VPS35L: variants seen among roughly 807,000 people sequenced by gnomAD.
VPS35L encodes VPS35 endosomal protein sorting factor like.
A neutral mutation model predicts 133.0 loss-of-function variants in VPS35L; 83 were observed. That is an observed-to-expected ratio of 0.62 (90% CI 0.52 to 0.75). The LOEUF (loss-of-function observed/expected upper bound fraction) is 0.75. Ranked by LOEUF, VPS35L falls within the 30% of genes least tolerant of loss-of-function variation. The pLI is 0.00. For missense variants in VPS35L, 1,083 were observed against 1,206.8 expected, an observed-to-expected ratio of 0.90 and a Z score of 1.52; for synonymous variants, 423 against 449.9, an observed-to-expected ratio of 0.94 and a Z score of 0.76.
intron 12 of VPS35L, among the ~76,000 whole-genome samples, chr16:19,613,070 G>A (rs1286604725): frequency 6.6e-6 from 1 of 152,216 alleles, no homozygotes; most frequent in Non-Finnish European, 1.5e-5. Flanking sequence ...GGAGGCCGAG[G>A]CGGGCAGATC....
chr16:19,616,844 C>T, intron 14 of VPS35L, 36 bp downstream of exon 14: 2 of 1,613,866 alleles, frequency 1.2e-6, no homozygotes, highest in Middle Eastern at 1.6e-4. Context: ...ACGCTCACCT[C>T]CTGTATGGTG....
Position 19,692,691 on chromosome 16 carries a change from G to A in VPS35L, c.2646+1220G>A, listed in dbSNP as rs188613318. ...TGATTCTCCTGCCTCAGCCTCCCAA[G>A]TAGCTGGGATTCAGGTGCCCGCCAC... is the stretch of plus-strand genomic sequence containing the variant. On this transcript the variant is annotated intron_variant, in intron 29 of 30. Transcript: ENST00000417362. Among the ~76,000 whole-genome samples, 506 of 152,184 alleles carry A rather than the reference G, an allele frequency of 3.3e-3. 5 individuals carry two copies. Among genetic ancestry groups the A allele is most frequent in the African/African-American group, 0.012 (490 of 41,516 alleles).
chr16:19,699,459 C>CTGAG lies in VPS35L; in HGVS notation c.2647-42_2647-39dup. On this transcript the variant is annotated intron_variant, in intron 29 of 30. Transcript: ENST00000417362. This position sits in a 1 kb window ranked among gnomAD's most constrained non-coding sequence, Gnocchi z 4.2. ...CCACAGCATCTCTGCGGGGCACGGC[C>CTGAG]TGAGCCCCAGTGCAAGGCAGTAACC... The CTGAG allele has an allele frequency of 6.2e-7, 1 of 1,611,860 alleles. No individual in the cohort carries two copies. The highest frequency in any genetic ancestry group is 1.1e-5 in the South Asian group (1 of 90,776).
chr16:19,608,255 A>G lies in VPS35L; in HGVS notation c.862A>G (p.Arg288Gly). ...LNWFFKIASI[R>G]ELIPRFYVEA... ...TTGGTTTTTCAAGATTGCCTCCATC[A>G]GGGAACTCATTCCAAGATTGTATCC... Residue 288 changes from arginine (R) to glycine (G), a missense_variant, in exon 10 of 31, where the codon AGG (arginine) becomes GGG (glycine). Coordinates refer to ENST00000417362, the MANE Select transcript of VPS35L (RefSeq NM_020314.7). 1.2e-6 allele frequency: 2 copies of G among 1,604,074 alleles called. No individual in the cohort carries two copies. The highest frequency in any genetic ancestry group is 2.2e-5 in the South Asian group (2 of 90,848).
At chr16:19,564,791 A>C in intron 1 of VPS35L, 60 bp from the exon 2 acceptor site, 2 of 1,130,340 alleles carry the variant, frequency 1.8e-6, no homozygotes, top group Admixed American at 1.8e-5. Flanking sequence ...GTCTCATCAG[A>C]AGTTTTTAGT....
At chr16:19,645,858 G>A (rs1251522778) in intron 23 of VPS35L, among the ~76,000 whole-genome samples, 2 of 152,224 alleles carry the variant, frequency 1.3e-5, no homozygotes, top group Admixed American at 6.5e-5. Flanking sequence ...AAACTATGCC[G>A]GGCAGGCAAA....
rs141557733 is a variant in VPS35L at position 19,669,248 on chromosome 16, G to A, written c.2310G>A (p.Ser770=). 23 of 1,612,924 alleles carry A rather than the reference G, an allele frequency of 1.4e-5. No individual in the cohort carries two copies. Among genetic ancestry groups the A allele is most frequent in the Non-Finnish European group, 1.7e-5 (20 of 1,179,232 alleles). The change falls in exon 27 of 31, where the codon TCG becomes TCA. Residue 770 remains serine, a synonymous_variant. Transcript: ENST00000417362. Reference sequence around the variant, plus strand: ...ATGGGAAGATGCGGCCATCGGAATCGTTCCTTCTGGAATTCCTCTGCAATT... The same window carrying A: ...ATGGGAAGATGCGGCCATCGGAATCATTCCTTCTGGAATTCCTCTGCAATT... ...NIDGKMRPSE[S]FLLEFLCNFF...
intron 9 of VPS35L, among the ~76,000 whole-genome samples, chr16:19,604,756 GT>G (rs1972491203): frequency 6.6e-6 from 1 of 152,144 alleles, no homozygotes; most frequent in African/African-American, 2.4e-5. Flanking sequence ...ATCAAGTTCT[GT>G]TGGGTGAATT....
At chr16:19,570,889 A>ATATATATT (rs1971360458) in intron 3 of VPS35L, among the ~76,000 whole-genome samples, 5 of 91,846 alleles carry the variant, frequency 5.4e-5, no homozygotes, top group Non-Finnish European at 1.0e-4. Flanking sequence ...ATATATATAT[A>ATATATATT]TTTTTGAGAT....
At chr16:19,631,348 G>A (rs72767578) in intron 18 of VPS35L, among the ~76,000 whole-genome samples, 11,474 of 152,072 alleles carry the variant, frequency 0.075, 577 homozygotes, top group Non-Finnish European at 0.12. Flanking sequence ...AAGTGACCCC[G>A]CAGAACCCCC....
At chr16:19,695,648 T>TA (rs1975880366) in intron 29 of VPS35L, among the ~76,000 whole-genome samples, 1 of 151,880 alleles carries the variant, frequency 6.6e-6, no homozygotes, top group Non-Finnish European at 1.5e-5. Context: ...ACCCCATCTC[T>TA]AAAAAAATTT....
chr16:19,570,945 C>T lies in VPS35L; in HGVS notation c.285+1354C>T, dbSNP rs1384710266. 6.8e-5 allele frequency among the ~76,000 whole-genome samples: 10 copies of T among 146,210 alleles called. No homozygotes were observed. In the East Asian group the frequency reaches 1.2e-3, roughly 18 times the overall value. On this transcript the variant is annotated intron_variant, in intron 3 of 30. Coordinates refer to ENST00000417362, the MANE Select transcript of VPS35L (RefSeq NM_020314.7). ...GGGCCGGTGTGAAGTGGGGTGATCT[C>T]GACTCGCAGCCTCCACCTCCCAGGT...
intron 19 of VPS35L, among the ~76,000 whole-genome samples, chr16:19,634,073 A>C (rs1262752438): frequency 2.0e-5 from 3 of 152,046 alleles, no homozygotes; most frequent in African/African-American, 7.2e-5. Flanking sequence ...CGCATTCCAC[A>C]CATATATACA....
chr16:19,596,580 G>T (rs80185479), intron 8 of VPS35L, among the ~76,000 whole-genome samples: 8,573 of 151,532 alleles, frequency 0.057, 354 homozygotes, highest in Non-Finnish European at 0.086. Flanking sequence ...TGGCCTAAAT[G>T]CATGTACATT....
intron 21 of VPS35L, 64 bp from the exon 22 acceptor site, chr16:19,642,332 G>A: frequency 7.2e-7 from 1 of 1,397,380 alleles, no homozygotes; most frequent in Non-Finnish European, 1.0e-6. Context: ...GATGAAAACT[G>A]AATCCACTCT....
intron 8 of VPS35L, among the ~76,000 whole-genome samples, chr16:19,597,631 A>G (rs1452738588): frequency 6.6e-6 from 1 of 152,210 alleles, no homozygotes; most frequent in African/African-American, 2.4e-5. Context: ...TGCTTTCAGC[A>G]CTTCCCAAGG....
At chr16:19,668,918 C>T (rs1310833296) in intron 26 of VPS35L, among the ~76,000 whole-genome samples, 3 of 152,182 alleles carry the variant, frequency 2.0e-5, no homozygotes, top group Admixed American at 6.5e-5. Flanking sequence ...TTGCGACCTG[C>T]TTTTTTCACT....
chr16:19,661,455 G>A (rs1472860461), intron 26 of VPS35L, among the ~76,000 whole-genome samples: 2 of 152,162 alleles, frequency 1.3e-5, no homozygotes, highest in Non-Finnish European at 2.9e-5. Flanking sequence ...CGTATTGAAA[G>A]CCTTGGTACA....
intron 10 of VPS35L, 52 bp from the exon 11 acceptor site, chr16:19,608,922 A>G (rs545125947): frequency 1.9e-6 from 3 of 1,548,418 alleles, no homozygotes; most frequent in South Asian, 1.1e-5. Flanking sequence ...TCTTTTCTCC[A>G]TAGGGAGTAG....
Sources: gnomAD v4.1 joint callset for allele counts (sites outside exome capture counted in the v4.1 genomes callset) on GRCh38, gnomAD v4.1.1 for gene constraint, Gnocchi (gnomAD v3.1) non-coding constraint, MANE v1.5 for transcripts, NCBI Gene and HGNC (gene_info 2026-07-23, HGNC 2026-07-21) for gene names.